Variants in COG2 observed in about 807,000 individuals in gnomAD.
COG2 encodes component of oligomeric golgi complex 2, also known as conserved oligomeric Golgi complex subunit 2.
Under a neutral mutation model 90.6 loss-of-function variants are expected in COG2, and 52 were observed. The ratio of observed to expected loss-of-function variants is 0.57; its 90% CI spans 0.46 to 0.72. The LOEUF is 0.72. Ranked by LOEUF, COG2 falls within the 30% of genes least tolerant of loss-of-function variation. The pLI is 0.00. For synonymous variants in COG2, 337 were observed against 320.4 expected, an observed-to-expected ratio of 1.05 and a Z score of -0.55; for missense variants, 829 against 891.2, an observed-to-expected ratio of 0.93 and a Z score of 0.89.
chr1:230,647,845 A>G lies in COG2; in HGVS notation c.72+5167A>G, dbSNP rs563710162. ...TGCATTACTTTTTATTTTTTTAATT[A>G]TTTTTTTAAAGACTCTTTTCAATTA... On this transcript the variant is annotated intron_variant, in intron 1 of 17. Transcript: ENST00000366669. Among the ~76,000 whole-genome samples the G allele has an allele frequency of 2.9e-4, 36 of 123,930 alleles. No individual in the cohort carries two copies. In the South Asian group the frequency reaches 0.01, roughly 35 times the overall value. The allele number at this position is 123,930 out of a possible 152,430, so 81.3% of individuals were successfully genotyped here. A position where few individuals can be genotyped will look rare whatever the true frequency, so the allele number is the denominator to read the frequency against.
rs1001352392 is a variant in COG2 at position 230,642,620 on chromosome 1, G to A, written c.14G>A (p.Arg5Lys). The A allele has an allele frequency of 2.5e-6, 4 of 1,612,840 alleles. No homozygotes were observed. In the African/African-American group the frequency reaches 4.0e-5, roughly 16 times the overall value. MEKS[R>K]MNLPKGPDTL... ...GTGGCCGGCGGGATGGAGAAAAGTA[G>A]GATGAACCTGCCCAAGGGGCCGGAC... is the stretch of plus-strand genomic sequence containing the variant. Residue 5 changes from arginine (R) to lysine (K), a missense_variant, in exon 1 of 18, where the codon AGG becomes AAG. By Grantham distance (26) the Arg-to-Lys change is conservative. Coordinates refer to ENST00000366669, the MANE Select transcript of COG2 (RefSeq NM_007357.3).
intron 10 of COG2, chr1:230,682,012 C>T (rs542865172): frequency 6.6e-6 from 1 of 152,244 alleles, no homozygotes; most frequent in Admixed American, 6.5e-5. Flanking sequence ...AACTTTGTGT[C>T]CCATGTCTTT....
At chr1:230,666,245 C>T (rs905158500) in intron 5 of COG2, among the ~76,000 whole-genome samples, 9 of 152,154 alleles carry the variant, frequency 5.9e-5, no homozygotes, top group South Asian at 2.1e-4. Flanking sequence ...TCTTAGGAAA[C>T]GGTGCCTTTA....
chr1:230,682,261 C>T (rs1558278288), intron 10 of COG2: 1 of 152,230 alleles, frequency 6.6e-6, no homozygotes, highest in Non-Finnish European at 1.5e-5. Flanking sequence ...AAAGGCAGGA[C>T]TTGGGGGTCT....
chr1:230,669,110 GC>G (rs1339774028), intron 6 of COG2: 1 of 458,156 alleles, frequency 2.2e-6, no homozygotes, highest in Non-Finnish European at 3.8e-6. Flanking sequence ...TGACTTCGTA[GC>G]TTAAGAGGAA....
chr1:230,679,647 T>G (rs1388039714), intron 10 of COG2: 3 of 152,254 alleles, frequency 2.0e-5, no homozygotes, highest in Non-Finnish European at 4.4e-5. Flanking sequence ...ATCACCTTTG[T>G]CAATAAGCCA....
At chr1:230,649,218 G>A (rs3789640) in intron 1 of COG2, among the ~76,000 whole-genome samples, 8,145 of 152,198 alleles carry the variant, frequency 0.054, 247 homozygotes, top group Middle Eastern at 0.088. Flanking sequence ...TAATTTCTCA[G>A]GCTTCAGTAA....
At chr1:230,646,010 C>G (rs1245832486) in intron 1 of COG2, among the ~76,000 whole-genome samples, 1 of 152,084 alleles carries the variant, frequency 6.6e-6, no homozygotes. Context: ...TTTCCTTCCT[C>G]CTGAGGTCTG....
At chr1:230,690,227 G>T in intron 16 of COG2, 74 bp downstream of exon 16, 1 of 1,336,370 alleles carries the variant, frequency 7.5e-7, no homozygotes, top group South Asian at 1.3e-5. Flanking sequence ...AGGCAATCAA[G>T]CACTGCGTAT....
chr1:230,643,506 GAA>G (rs1311662211), intron 1 of COG2, among the ~76,000 whole-genome samples: 1 of 152,174 alleles, frequency 6.6e-6, no homozygotes, highest in African/African-American at 2.4e-5. Flanking sequence ...GTTAAAAAGC[GAA>G]AAGTTTTAGC....
intron 5 of COG2, among the ~76,000 whole-genome samples, 160 bp downstream of exon 5, chr1:230,664,747 G>A (rs1662277137): frequency 6.6e-6 from 1 of 152,198 alleles, no homozygotes. Context: ...AAATGGTAAA[G>A]CTTATACATA....
chr1:230,651,195 T>A (rs1179512010), intron 1 of COG2, among the ~76,000 whole-genome samples: 1 of 152,114 alleles, frequency 6.6e-6, no homozygotes, highest in Non-Finnish European at 1.5e-5. Flanking sequence ...AGAATGATGA[T>A]GTCTGGGGGA....
chr1:230,670,642 GGTCTC>G (rs1662426092), intron 7 of COG2: 1 of 151,692 alleles, frequency 6.6e-6, no homozygotes, highest in Non-Finnish European at 1.5e-5. Context: ...TGGGGGACAG[GGTCTC>G]ACTCTGTCAC....
At chr1:230,678,511 T>A in intron 9 of COG2, 1 of 985,388 alleles carries the variant, frequency 1.0e-6, no homozygotes, top group Non-Finnish European at 1.2e-6. Flanking sequence ...TGATTCTTTC[T>A]CTTCTCTCTC....
rs1376320399 is a variant in COG2, at chr1:230,642,685, G to GC, written c.72+8dup. 6.2e-7 allele frequency: 1 copy of GC among 1,610,988 alleles called. No individual in the cohort carries two copies. Among genetic ancestry groups the GC allele is most frequent in the Non-Finnish European group, 8.5e-7 (1 of 1,178,866 alleles). On this transcript the variant is annotated splice_region_variant and intron_variant, in intron 1 of 17. Transcript: ENST00000366669. Reference sequence around the variant, plus strand: ...CAAGGACGAGTTCATGAAGGTGCGCGCGGCGTCCGCTCCCCGGAGCCGGGC... The same window carrying GC: ...CAAGGACGAGTTCATGAAGGTGCGCGCCGGCGTCCGCTCCCCGGAGCCGGGC...
intron 17 of COG2, 58 bp from the exon 18 acceptor site, chr1:230,693,234 C>T (rs1018981944): frequency 3.4e-5 from 31 of 914,540 alleles, no homozygotes; most frequent in Admixed American, 2.7e-4. Context: ...TCTTTTTTTT[C>T]CCCCCCCATA....
chr1:230,678,816 G>A (rs757472991), intron 9 of COG2, 97 bp from the exon 10 acceptor site: 75 of 1,582,212 alleles, frequency 4.7e-5, no homozygotes, highest in East Asian at 6.8e-5. Flanking sequence ...TGATTCTTAC[G>A]TGTTGAGCTT....
chr1:230,662,852 T>TTATAC (rs1335632345), intron 3 of COG2, among the ~76,000 whole-genome samples: 1 of 152,208 alleles, frequency 6.6e-6, no homozygotes, highest in Non-Finnish European at 1.5e-5. Context: ...CCAGACACCC[T>TTATAC]TATACTTTGA....
intron 8 of COG2, among the ~76,000 whole-genome samples, chr1:230,672,648 T>C (rs1662478923): frequency 1.4e-5 from 2 of 145,520 alleles, no homozygotes; most frequent in Admixed American, 7.0e-5. Context: ...CTGGGCAACA[T>C]GACAAAACCC....
Sources: gnomAD v4.1 joint callset for allele counts (sites outside exome capture counted in the v4.1 genomes callset) on GRCh38, gnomAD v4.1.1 for gene constraint, MANE v1.5 for transcripts, NCBI Gene and HGNC (gene_info 2026-07-23, HGNC 2026-07-21) for gene names.